Variants in SPAG6 observed in about 807,000 individuals in gnomAD.
The protein encoded by SPAG6 is sperm associated antigen 6, also known as sperm-associated antigen 6.
A neutral mutation model predicts 58.5 loss-of-function variants in SPAG6; 49 were observed. That is an observed-to-expected ratio of 0.84 (90% confidence interval 0.67 to 1.06). SPAG6 has a LOEUF of 1.06. SPAG6 is among the 50% of genes least tolerant of loss of function. The pLI, the probability that SPAG6 is intolerant of heterozygous loss-of-function variation, is 0.00. For synonymous variants in SPAG6, 233 were observed against 225.6 expected (o/e 1.03, Z -0.29); for missense variants, 560 against 611.3 (o/e 0.92, Z 0.89).
chr10:22,369,293 A>G (rs1837282153), intron 4 of SPAG6, among the ~76,000 whole-genome samples: 1 of 152,184 alleles, frequency 6.6e-6, no homozygotes, highest in Non-Finnish European at 1.5e-5. Flanking sequence ...GCCTCTTGTG[A>G]GAGGATTGTG....
intron 9 of SPAG6, among the ~76,000 whole-genome samples, chr10:22,405,147 G>A (rs1399924837): frequency 1.3e-5 from 2 of 151,962 alleles, no homozygotes; most frequent in Admixed American, 6.6e-5. Context: ...CTGCCTAATT[G>A]CCCTGGCCAG....
intron 8 of SPAG6, among the ~76,000 whole-genome samples, chr10:22,394,004 C>T (rs527978573): frequency 2.1e-4 from 32 of 152,236 alleles, no homozygotes; most frequent in African/African-American, 6.5e-4. Context: ...TGCAGGAGAA[C>T]GAATGAGCAA....
At chr10:22,413,623 C>G (rs752412087) in intron 10 of SPAG6, among the ~76,000 whole-genome samples, 11 of 150,810 alleles carry the variant, frequency 7.3e-5, no homozygotes, top group Non-Finnish European at 1.6e-4. Context: ...GCTGGGATTT[C>G]ATTTTTAAAA....
In SPAG6 at chr10:22,345,883, T is replaced by C; in HGVS notation, c.121+65T>C. 1 of 1,580,426 alleles carries C rather than the reference T, an allele frequency of 6.3e-7. No homozygotes were observed. Among genetic ancestry groups the C allele is most frequent in the South Asian group, 1.1e-5 (1 of 87,112 alleles). On this transcript the variant is annotated intron_variant, in intron 2 of 10. Coordinates refer to ENST00000376624, the MANE Select transcript of SPAG6 (RefSeq NM_012443.4). This position sits in a 1 kb window ranked among gnomAD's most constrained non-coding sequence, Gnocchi z 6.3. The stretch of plus-strand genomic sequence containing the variant: ...TGAGTCCCCGACGCCTCCGCCCCGC[T>C]GCCCTGCCCGTGGAGCTCTTGGGGA...
rs145098244 is a variant in SPAG6 at position 22,391,858 on chromosome 10, A to G, written c.1135A>G (p.Thr379Ala). The G allele has an allele frequency of 5.6e-6, 9 of 1,613,526 alleles. No individual in the cohort carries two copies. In the African/African-American group the frequency reaches 1.2e-4, roughly 22 times the overall value. The change falls in exon 8 of 11, where the codon ACT becomes GCT. Residue 379 changes from threonine (T) to alanine (A), a missense_variant. By Grantham distance (58) the Thr-to-Ala change is moderately conservative (BLOSUM62 0). Coordinates refer to ENST00000376624, the MANE Select transcript of SPAG6 (RefSeq NM_012443.4). ...EHARAVAVTN[T>A]LPVLLSLYMS... is the part of the protein sequence containing the mutation. ...CGCACGGGCTGTTGCAGTCACAAAT[A>G]CTTTGCCAGTTCTGCTTTCTTTGTA...
At position 22,411,024 on chromosome 10, in the gene SPAG6, T is replaced by A; in HGVS notation, c.1315-7T>A. On this transcript the variant is annotated splice_polypyrimidine_tract_variant and splice_region_variant and intron_variant, in intron 9 of 10. Transcript: ENST00000376624. ...AAGCTGACATTTTATGTGCTTCACT[T>A]TGCAAGGTGCTGCCGCATGATAGCA... is the stretch of plus-strand genomic sequence containing the variant. The A allele has an allele frequency of 1.2e-6, 2 of 1,607,978 alleles. No homozygotes were observed. The highest frequency in any genetic ancestry group is 2.2e-5 in the South Asian group (2 of 89,448).
intron 3 of SPAG6, among the ~76,000 whole-genome samples, chr10:22,366,761 CT>C (rs1434650704): frequency 1.3e-5 from 2 of 152,114 alleles, no homozygotes; most frequent in African/African-American, 4.8e-5. Flanking sequence ...TTAGCTCTTT[CT>C]TTTGAGAGCA....
chr10:22,387,674 A>G (rs1386210534), intron 5 of SPAG6, 149 bp from the exon 6 acceptor site: 1 of 659,952 alleles, frequency 1.5e-6, no homozygotes, highest in South Asian at 3.8e-5. Flanking sequence ...ATGTCTCAAG[A>G]CTCAGAAATC....
At chr10:22,406,959 C>T (rs1408082712) in intron 9 of SPAG6, among the ~76,000 whole-genome samples, 3 of 151,902 alleles carry the variant, frequency 2.0e-5, no homozygotes, top group Non-Finnish European at 2.9e-5. Context: ...AGGATTGCAA[C>T]CCCTACCTTT....
In SPAG6 at chr10:22,401,203, T is replaced by A. The variant is rs1336871343; in HGVS notation, c.1240T>A (p.Leu414Ile). Residue 414 changes from leucine to isoleucine, a missense_variant, in exon 9 of 11, where the codon TTA becomes ATA. Leu to Ile is a conservative substitution (Grantham distance 5). Transcript: ENST00000376624. ...GAATATCCTGCAAAAATGTACCTAC[T>A]TACCAGCCCTTGAACCATTTCTATA... Reference protein sequence around the residue: ...IKNILQKCTYLPALEPFLYDA... With the variant: ...IKNILQKCTYIPALEPFLYDA... 6.2e-7 allele frequency: 1 copy of A among 1,607,850 alleles called. No homozygotes were observed. Among genetic ancestry groups the A allele is most frequent in the Non-Finnish European group, 8.5e-7 (1 of 1,174,524 alleles).
At chr10:22,360,277 TA>T (rs1340509604) in intron 2 of SPAG6, among the ~76,000 whole-genome samples, 1 of 151,786 alleles carries the variant, frequency 6.6e-6, no homozygotes, top group Admixed American at 6.6e-5. Flanking sequence ...TCAGTGTGGC[TA>T]TTTTTTTTTT....
intron 9 of SPAG6, among the ~76,000 whole-genome samples, chr10:22,409,301 A>T (rs1032386853): frequency 6.6e-6 from 1 of 152,242 alleles, no homozygotes; most frequent in Admixed American, 6.5e-5. Context: ...TAAAACCAAT[A>T]TATTTATAGA....
At chr10:22,412,309 C>G (rs571897367) in intron 10 of SPAG6, 14 of 558,650 alleles carry the variant, frequency 2.5e-5, no homozygotes, top group Non-Finnish European at 3.5e-5. Flanking sequence ...CATATACTTA[C>G]GCAAGTTGCA....
chr10:22,402,406 T>C (rs539573074), intron 9 of SPAG6, among the ~76,000 whole-genome samples: 1 of 152,348 alleles, frequency 6.6e-6, no homozygotes, highest in South Asian at 2.1e-4. Context: ...TATGTATTGT[T>C]ATAACTTTTA....
intron 2 of SPAG6, among the ~76,000 whole-genome samples, chr10:22,355,122 A>G (rs1836832257): frequency 6.6e-6 from 1 of 152,226 alleles, no homozygotes; most frequent in Admixed American, 6.5e-5. Context: ...AACAGACTAT[A>G]TACCCTTTGG....
chr10:22,391,379 A>C (rs1259483410), intron 7 of SPAG6, among the ~76,000 whole-genome samples: 1 of 152,226 alleles, frequency 6.6e-6, no homozygotes, highest in African/African-American at 2.4e-5. Flanking sequence ...AAGGAAAATA[A>C]ATGATTTTAA....
intron 8 of SPAG6, among the ~76,000 whole-genome samples, chr10:22,399,316 C>A (rs1179951940): frequency 1.3e-5 from 2 of 152,192 alleles, no homozygotes; most frequent in African/African-American, 4.8e-5. Flanking sequence ...TTCCTCCTCT[C>A]AATTATACCC....
chr10:22,369,439 C>A (rs540961407), intron 4 of SPAG6, among the ~76,000 whole-genome samples: 1 of 152,210 alleles, frequency 6.6e-6, no homozygotes, highest in South Asian at 2.1e-4. Flanking sequence ...ATCAACTTTG[C>A]TAGTAATCAA....
At chr10:22,349,455 A>G (rs1272283947) in intron 2 of SPAG6, among the ~76,000 whole-genome samples, 1 of 152,222 alleles carries the variant, frequency 6.6e-6, no homozygotes, top group East Asian at 1.9e-4. Context: ...CAATTGTAAA[A>G]TTTCAGCAAT....
Sources: allele counts gnomAD v4.1 joint callset (sites outside exome capture counted in the v4.1 genomes callset), GRCh38; gene constraint gnomAD v4.1.1; non-coding constraint Gnocchi (gnomAD v3.1); transcripts MANE v1.5; gene names NCBI Gene and HGNC (gene_info 2026-07-23, HGNC 2026-07-21).